FAM168A: variants seen among roughly 807,000 people sequenced by gnomAD.
FAM168A encodes protein FAM168A.
Under a neutral mutation model 28.5 loss-of-function variants are expected in FAM168A, and 3 were observed. That is an observed-to-expected ratio of 0.11 (90% CI 0.05 to 0.27). The LOEUF (loss-of-function observed/expected upper bound fraction) is 0.27. FAM168A is among the 10% of genes least tolerant of loss of function. The probability of loss-of-function intolerance (pLI) is 1.00; values close to 1 mark genes in which losing one functional copy is unlikely to be tolerated. For missense variants in FAM168A, 222 were observed against 311.5 expected, an observed-to-expected ratio of 0.71 and a Z score of 2.16; for synonymous variants, 122 against 124.2, an observed-to-expected ratio of 0.98 and a Z score of 0.12.
intron 2 of FAM168A, among the ~76,000 whole-genome samples, chr11:73,457,244 C>A (rs1425065559): frequency 6.7e-6 from 1 of 150,102 alleles, no homozygotes. Context: ...TTTAAATTAG[C>A]CAGGCACAGT....
chr11:73,486,974 A>G (rs899102868), intron 1 of FAM168A, among the ~76,000 whole-genome samples: 1 of 152,230 alleles, frequency 6.6e-6, no homozygotes, highest in Non-Finnish European at 1.5e-5. Context: ...ATAAATTTAT[A>G]TCATCCACAT....
chr11:73,473,890 T>C (rs1025744525), intron 1 of FAM168A, among the ~76,000 whole-genome samples: 1 of 151,894 alleles, frequency 6.6e-6, no homozygotes, highest in Non-Finnish European at 1.5e-5. Context: ...CTCGGCTCAC[T>C]GCAACCTCTG....
chr11:73,589,388 G>T lies in FAM168A; in HGVS notation c.-19+8535C>A, dbSNP rs77231544. Among the ~76,000 whole-genome samples the T allele has an allele frequency of 9.1e-3, 1,386 of 151,942 alleles. 31 individuals are homozygous for T. The highest frequency in any genetic ancestry group is 0.032 in the African/African-American group (1,332 of 41,424). On this transcript the variant is annotated intron_variant, in intron 1 of 7. Transcript: ENST00000356467. ...AACAAACTACCAATTGTCAAGTTTT[G>T]GTGTAACATGGGCGTCCAACCTTTT...
chr11:73,570,195 T>A (rs1944070033), intron 1 of FAM168A, among the ~76,000 whole-genome samples: 2 of 152,184 alleles, frequency 1.3e-5, no homozygotes, highest in Non-Finnish European at 2.9e-5. Flanking sequence ...CACAGCTGCA[T>A]CCCTTCATTA....
chr11:73,484,701 GATAT>G (rs1486331472), intron 1 of FAM168A, among the ~76,000 whole-genome samples: 2 of 142,210 alleles, frequency 1.4e-5, no homozygotes, highest in African/African-American at 5.2e-5. Flanking sequence ...TATAGATATA[GATAT>G]ATATAGATAT....
At chr11:73,509,395 C>T (rs970755501) in intron 1 of FAM168A, among the ~76,000 whole-genome samples, 2 of 152,174 alleles carry the variant, frequency 1.3e-5, no homozygotes, top group Admixed American at 6.6e-5. Context: ...CTAAGTAAAT[C>T]CTGCTAAGTA....
intron 2 of FAM168A, among the ~76,000 whole-genome samples, chr11:73,462,532 G>C (rs555945304): frequency 1.3e-5 from 2 of 152,322 alleles, no homozygotes; most frequent in East Asian, 3.9e-4. Context: ...AGTGACGACA[G>C]TTGCAAAACA....
chr11:73,580,578 T>C, intron 1 of FAM168A: 1 of 518,418 alleles, frequency 1.9e-6, no homozygotes, highest in South Asian at 1.6e-5. Flanking sequence ...TTTGAAATAC[T>C]ATTTTTAATC....
intron 2 of FAM168A, among the ~76,000 whole-genome samples, chr11:73,459,402 C>T (rs1339515966): frequency 8.7e-5 from 13 of 150,210 alleles, no homozygotes; most frequent in African/African-American, 1.5e-4. Context: ...AGGAGAATGG[C>T]GTGAACCTGG....
intron 1 of FAM168A, among the ~76,000 whole-genome samples, chr11:73,469,948 G>A (rs992340219): frequency 2.6e-5 from 4 of 152,122 alleles, no homozygotes; most frequent in African/African-American, 9.7e-5. Context: ...GTCTCACTCT[G>A]TTGCCTAGCC....
chr11:73,531,703 C>T (rs1943515382), intron 1 of FAM168A, among the ~76,000 whole-genome samples: 1 of 151,894 alleles, frequency 6.6e-6, no homozygotes, highest in Non-Finnish European at 1.5e-5. Context: ...TTTCATATTT[C>T]TGTGATTTTG....
intron 1 of FAM168A, among the ~76,000 whole-genome samples, chr11:73,588,118 G>C (rs1474957087): frequency 6.6e-6 from 1 of 152,150 alleles, no homozygotes; most frequent in Non-Finnish European, 1.5e-5. Context: ...TAAAGCACTT[G>C]TGCAATTGAG....
chr11:73,472,667 A>G (rs190288438), intron 1 of FAM168A, among the ~76,000 whole-genome samples: 1 of 152,120 alleles, frequency 6.6e-6, no homozygotes, highest in African/African-American at 2.4e-5. Context: ...ATGAAAGATG[A>G]TGGTGGTAGT....
At chr11:73,596,539 G>T (rs987597670) in intron 1 of FAM168A, among the ~76,000 whole-genome samples, 1 of 151,900 alleles carries the variant, frequency 6.6e-6, no homozygotes, top group Non-Finnish European at 1.5e-5. Context: ...AACATCACCC[G>T]AACAGATTAA....
intron 1 of FAM168A, among the ~76,000 whole-genome samples, chr11:73,546,493 G>A (rs1361754000): frequency 6.6e-6 from 1 of 152,208 alleles, no homozygotes; most frequent in Non-Finnish European, 1.5e-5. Flanking sequence ...AGCACTTTGG[G>A]AGGCTAAGGC....
In FAM168A at chr11:73,580,244, G is replaced by A. The variant is rs574291303; in HGVS notation, c.-19+17679C>T. 9.9e-4 allele frequency: 528 copies of A among 533,724 alleles called. 5 individuals carry two copies. Among genetic ancestry groups the A allele is most frequent in the Non-Finnish European group, 2.5e-4 (68 of 269,044 alleles). The allele number at this position is 533,724 out of a possible 1,614,324, so 33.1% of individuals were successfully genotyped here. On this transcript the variant is annotated intron_variant, in intron 1 of 7. Transcript: ENST00000356467. Reference sequence around the variant, plus strand: ...CCTACGTCCCGCTGCCGTCACTGTCGCCGCCACCATGCCCAAGAAAGGCTG... The same window carrying A: ...CCTACGTCCCGCTGCCGTCACTGTCACCGCCACCATGCCCAAGAAAGGCTG...
chr11:73,539,062 A>G (rs1028978523), intron 1 of FAM168A, among the ~76,000 whole-genome samples: 6 of 152,194 alleles, frequency 3.9e-5, no homozygotes, highest in African/African-American at 1.4e-4. Context: ...CTAAGAACAG[A>G]GCTAGCACAA....
chr11:73,582,529 C>A (rs1944260741), intron 1 of FAM168A, among the ~76,000 whole-genome samples: 1 of 152,100 alleles, frequency 6.6e-6, no homozygotes, highest in African/African-American at 2.4e-5. Context: ...CCAGAAACTA[C>A]TAATGGCTTA....
chr11:73,404,665 G>GT lies in FAM168A; in HGVS notation c.*2097_*2098insA, dbSNP rs1451605391. On this transcript the variant is annotated 3_prime_UTR_variant, in exon 8 of 8. Transcript: ENST00000356467. Reference sequence around the variant, plus strand: ...TTCTTACTGGTCCTAAAGTTCCTTGGAAGCCCAGGAAGGTGGGCCCCCAAA... The same window carrying GT: ...TTCTTACTGGTCCTAAAGTTCCTTGGTAAGCCCAGGAAGGTGGGCCCCCAAA... The GT allele has an allele frequency of 6.6e-6, 1 of 152,176 alleles. No individual in the cohort carries two copies. The highest frequency in any genetic ancestry group is 1.9e-4 in the East Asian group (1 of 5,192). 9.4% of individuals were successfully genotyped at this position (152,176 alleles called of 1,614,324 possible). A position where few individuals can be genotyped will look rare whatever the true frequency, so the allele number is the denominator to read the frequency against.
Sources: allele counts gnomAD v4.1 joint callset (sites outside exome capture counted in the v4.1 genomes callset), GRCh38; gene constraint gnomAD v4.1.1; transcripts MANE v1.5; gene names NCBI Gene and HGNC (gene_info 2026-07-23, HGNC 2026-07-21).